The following TMEM176B variants were observed in gnomAD, a reference collection of about 807,000 sequenced individuals.
TMEM176B encodes LR8-like protein.
In TMEM176B, 28 loss-of-function variants were observed where a neutral mutation model predicts 30.3. The ratio of observed to expected loss-of-function variants is 0.92; its 90% CI spans 0.68 to 1.27. The LOEUF is 1.27. Ranked by LOEUF, TMEM176B falls within the 50% of genes most tolerant of loss-of-function variation. The probability of loss-of-function intolerance (pLI) is 0.00; values close to 1 mark genes in which losing one functional copy is unlikely to be tolerated. For synonymous variants in TMEM176B, 123 were observed against 130.3 expected, an observed-to-expected ratio of 0.94 and a Z score of 0.38; for missense variants, 349 against 327.4, an observed-to-expected ratio of 1.07 and a Z score of -0.51.
At position 150,796,488 on chromosome 7, in the gene TMEM176B, G is replaced by A. The variant is rs779659670; in HGVS notation, c.82C>T (p.His28Tyr). The A allele has an allele frequency of 2.5e-6, 4 of 1,614,100 alleles. No homozygotes were observed. The highest frequency in any genetic ancestry group is 1.7e-5 in the Admixed American group (1 of 60,010). ...AGTTGTGTCAAAGCTGACTCCTGGT[G>A]GATGTGGACGTTGACGTGGGTGGGC... is the stretch of plus-strand genomic sequence containing the variant. Reference protein sequence around the residue: ...SQPTHVNVHIHQESALTQLLK... With the variant: ...SQPTHVNVHIYQESALTQLLK... Residue 28 changes from histidine to tyrosine, a missense_variant, in exon 2 of 7, where the codon CAC becomes TAC. Physicochemically the swap from His to Tyr is moderately conservative, Grantham distance 83. Transcript: ENST00000326442.
intron 1 of TMEM176B, among the ~76,000 whole-genome samples, chr7:150,798,477 G>A (rs1263127022): frequency 2.0e-5 from 3 of 151,982 alleles, no homozygotes; most frequent in Admixed American, 6.6e-5. Context: ...GGGTTTCACC[G>A]TGTTAGCCAG....
At chr7:150,792,264 A>T in intron 5 of TMEM176B, 89 bp from the exon 6 acceptor site, 1 of 1,538,630 alleles carries the variant, frequency 6.5e-7, no homozygotes, top group Admixed American at 1.8e-5. Context: ...CCAGGCACTG[A>T]CTCTATCCAG....
At chr7:150,792,702 C>G (rs1798362438) in intron 5 of TMEM176B, among the ~76,000 whole-genome samples, 1 of 152,146 alleles carries the variant, frequency 6.6e-6, no homozygotes, top group African/African-American at 2.4e-5. Context: ...TGAGAAAACC[C>G]GTGAGTGAGA....
intron 1 of TMEM176B, 88 bp from the exon 2 acceptor site, chr7:150,796,662 C>A: frequency 7.5e-7 from 1 of 1,335,564 alleles, no homozygotes; most frequent in Non-Finnish European, 1.0e-6. Flanking sequence ...GAAATAGTGT[C>A]TTTGTCAAGA....
intron 1 of TMEM176B, among the ~76,000 whole-genome samples, chr7:150,799,745 C>T (rs1469798056): frequency 1.3e-5 from 2 of 152,242 alleles, no homozygotes; most frequent in African/African-American, 4.8e-5. Context: ...GCCCTGAGGG[C>T]ACCTCGGGTT....
intron 1 of TMEM176B, among the ~76,000 whole-genome samples, chr7:150,797,647 G>T (rs1418127412): frequency 1.3e-5 from 2 of 152,138 alleles, no homozygotes; most frequent in Non-Finnish European, 2.9e-5. Flanking sequence ...CCTTTGTGAT[G>T]ACTTTTGTTC....
intron 2 of TMEM176B, among the ~76,000 whole-genome samples, chr7:150,794,596 C>T (rs1360162483): frequency 1.3e-5 from 2 of 151,740 alleles, no homozygotes; most frequent in Admixed American, 1.3e-4. Context: ...CTGAGGAGGG[C>T]CCCCCAGCCA....
In TMEM176B at chr7:150,791,686, G is replaced by T. The variant is rs147684169; in HGVS notation, c.721-63C>A. ...GGATGCAGGCAGAGTTAGTATCATA[G>T]AACTCAGAAAGCAGAAAGAGGAAAG... On this transcript the variant is annotated intron_variant, in intron 6 of 6. Transcript: ENST00000326442. 2.8e-6 allele frequency: 4 copies of T among 1,437,040 alleles called. No homozygotes were observed. The East Asian group carries it at 7.0e-5, about 25-fold the overall frequency. The allele number at this position is 1,437,040 out of a possible 1,614,324, so 89.0% of individuals were successfully genotyped here. A position where few individuals can be genotyped will look rare whatever the true frequency, so the allele number is the denominator to read the frequency against.
chr7:150,794,436 A>T (rs1213981914), intron 2 of TMEM176B, among the ~76,000 whole-genome samples: 2 of 151,308 alleles, frequency 1.3e-5, no homozygotes, highest in Non-Finnish European at 2.9e-5. Context: ...CTTTCTCTTC[A>T]GATCCAAACA....
intron 5 of TMEM176B, among the ~76,000 whole-genome samples, 171 bp downstream of exon 5, chr7:150,792,917 C>T (rs752004017): frequency 3.3e-5 from 5 of 152,116 alleles, no homozygotes; most frequent in African/African-American, 9.7e-5. Context: ...AGAGAATCTT[C>T]GTGTCATGAG....
chr7:150,792,419 T>C (rs983319047), intron 5 of TMEM176B, among the ~76,000 whole-genome samples: 3 of 152,242 alleles, frequency 2.0e-5, no homozygotes, highest in Non-Finnish European at 4.4e-5. Context: ...TAGAACTGCT[T>C]TGGCCACAGT....
At chr7:150,792,327 T>G in intron 5 of TMEM176B, 152 bp from the exon 6 acceptor site, 1 of 1,031,318 alleles carries the variant, frequency 9.7e-7, no homozygotes. Flanking sequence ...TTCCATCCCG[T>G]TGGCTTGTCT....
chr7:150,800,443 G>GA (rs1395009060), upstream of TMEM176B: 1 of 116,350 alleles, frequency 8.6e-6, no homozygotes, highest in Non-Finnish European at 1.9e-5. Context: ...ACCAGCTGCG[G>GA]CCCGGGGGCC....
chr7:150,793,063 C>G, intron 5 of TMEM176B, 25 bp downstream of exon 5: 1 of 1,611,396 alleles, frequency 6.2e-7, no homozygotes, highest in South Asian at 1.1e-5. Flanking sequence ...GATGGGTCCC[C>G]GAAGACTGGA....
At chr7:150,793,686 G>T in intron 3 of TMEM176B, 86 bp from the exon 4 acceptor site, 1 of 1,447,294 alleles carries the variant, frequency 6.9e-7, no homozygotes, top group Non-Finnish European at 9.5e-7. Context: ...TCCCAGAATA[G>T]CCAATGTGAA....
Position 150,793,249 on chromosome 7 carries a change from C to T in TMEM176B, c.439G>A (p.Val147Met), listed in dbSNP as rs368696046. The T allele has an allele frequency of 3.0e-5, 48 of 1,614,212 alleles. No homozygotes were observed. The highest frequency in any genetic ancestry group is 2.5e-4 in the East Asian group (11 of 44,880). The change falls in exon 5 of 7, where the codon GTG (valine) becomes ATG (methionine). Residue 147 changes from valine (V) to methionine (M), a missense_variant. Transcript: ENST00000326442. ...ATAMAAVVLC[V>M]NSFIWQTEPF... ...TCAGTTTGCCAGATGAAGCTATTCA[C>T]GCAGAGGACAACAGCAGCCATAGCT...
Position 150,791,591 on chromosome 7 carries a change from C to T in TMEM176B, c.753G>A (p.Gly251=). ...AGGGCGAAGGGGGCACTGAATTCTCCCCCAGTAGCCTCTTCTCTGATCCTT... is the reference window on the plus strand; with the variant it reads ...AGGGCGAAGGGGGCACTGAATTCTCTCCCAGTAGCCTCTTCTCTGATCCTT... ...NEEGSEKRLL[G]ENSVPPSPSR... The change falls in exon 7 of 7, where the codon GGG becomes GGA. Residue 251 remains glycine, a synonymous_variant. Transcript: ENST00000326442. 1.2e-6 allele frequency: 2 copies of T among 1,613,910 alleles called. No individual in the cohort carries two copies. The highest frequency in any genetic ancestry group is 1.7e-6 in the Non-Finnish European group (2 of 1,179,952).
At chr7:150,796,817 G>A (rs771008299) in intron 1 of TMEM176B, 12 of 467,450 alleles carry the variant, frequency 2.6e-5, no homozygotes, top group African/African-American at 1.2e-4. Flanking sequence ...AAATCCGCAC[G>A]GTGGTGTGCA....
At chr7:150,793,438 A>C (rs549229381) in intron 4 of TMEM176B, 106 bp downstream of exon 4, 1 of 1,529,944 alleles carries the variant, frequency 6.5e-7, no homozygotes, top group African/African-American at 1.4e-5. Flanking sequence ...CTCCCCTCCA[A>C]GAAAGACCCC....
Sources: gnomAD v4.1 joint callset for allele counts (sites outside exome capture counted in the v4.1 genomes callset) on GRCh38, gnomAD v4.1.1 for gene constraint, MANE v1.5 for transcripts, NCBI Gene and HGNC (gene_info 2026-07-23, HGNC 2026-07-21) for gene names.